CDK14: variants seen among roughly 807,000 people sequenced by gnomAD.
CDK14 encodes the protein cyclin-dependent kinase 14.
A neutral mutation model predicts 60.7 loss-of-function variants in CDK14; 34 were observed. That is an observed-to-expected ratio of 0.56 (90% CI 0.43 to 0.75). The LOEUF (loss-of-function observed/expected upper bound fraction) is 0.75, where lower values mean the gene tolerates loss of function less well. Ranked by LOEUF, CDK14 falls within the 30% of genes least tolerant of loss-of-function variation. CDK14 has a pLI of 0.00. For synonymous variants in CDK14, 197 were observed against 203.7 expected (o/e 0.97, Z 0.28); for missense variants, 482 against 564.1 (o/e 0.85, Z 1.47).
At chr7:91,175,100 G>A (rs1801680763) in intron 14 of CDK14, among the ~76,000 whole-genome samples, 1 of 147,944 alleles carries the variant, frequency 6.8e-6, no homozygotes, top group South Asian at 2.2e-4. Flanking sequence ...CAGACTAACA[G>A]CGGATCTCTC....
At chr7:91,126,804 C>CTACT (rs10641972) in intron 14 of CDK14, among the ~76,000 whole-genome samples, 103,907 of 151,488 alleles carry the variant, frequency 0.69, 36,778 homozygotes, top group Non-Finnish European at 0.79. Context: ...AGCCGCTTGC[C>CTACT]TACTCCCTCA....
chr7:91,096,285 T>C (rs780646443), intron 12 of CDK14, among the ~76,000 whole-genome samples: 7 of 152,260 alleles, frequency 4.6e-5, no homozygotes, highest in Admixed American at 1.3e-4. Flanking sequence ...GGGCTCTGGC[T>C]CCTTCTATCT....
intron 12 of CDK14, among the ~76,000 whole-genome samples, chr7:91,080,398 GGTA>G (rs1391870026): frequency 6.6e-6 from 1 of 152,076 alleles, no homozygotes; most frequent in Non-Finnish European, 1.5e-5. Flanking sequence ...TAAATTCTGC[GGTA>G]GTTTACTTTA....
intron 14 of CDK14, among the ~76,000 whole-genome samples, chr7:91,131,011 C>G (rs1800099987): frequency 6.6e-6 from 1 of 152,178 alleles, no homozygotes; most frequent in African/African-American, 2.4e-5. Flanking sequence ...AATCTGGGTG[C>G]ATTTGGGGTT....
intron 5 of CDK14, among the ~76,000 whole-genome samples, chr7:90,827,914 G>A (rs900438798): frequency 6.6e-6 from 1 of 152,070 alleles, no homozygotes; most frequent in African/African-American, 2.4e-5. Flanking sequence ...TTTCTCTTAA[G>A]CATTCTAGTA....
intron 5 of CDK14, among the ~76,000 whole-genome samples, chr7:90,806,314 G>T (rs1229068866): frequency 6.6e-6 from 1 of 151,902 alleles, no homozygotes; most frequent in Non-Finnish European, 1.5e-5. Context: ...CACCATTAAA[G>T]AAATGAAAAG....
intron 3 of CDK14, among the ~76,000 whole-genome samples, chr7:90,739,443 A>G (rs1218322182): frequency 6.6e-6 from 1 of 152,006 alleles, no homozygotes; most frequent in Non-Finnish European, 1.5e-5. Flanking sequence ...TAATTTCCTC[A>G]GTTCAGTTTT....
intron 5 of CDK14, among the ~76,000 whole-genome samples, chr7:90,839,773 A>AT (rs940144658): frequency 3.3e-5 from 5 of 152,028 alleles, no homozygotes; most frequent in East Asian, 1.9e-4. Context: ...GGTTTTATGC[A>AT]TTTTTTTCAT....
chr7:90,931,783 TG>T (rs368971200), intron 8 of CDK14, among the ~76,000 whole-genome samples: 119,498 of 150,672 alleles, frequency 0.79, 47,508 homozygotes, highest in East Asian at 0.95. Context: ...TTGGATTTTG[TG>T]TGTGTGTGTG....
At chr7:90,782,163 T>C (rs1236154617) in intron 4 of CDK14, among the ~76,000 whole-genome samples, 4 of 152,258 alleles carry the variant, frequency 2.6e-5, no homozygotes, top group South Asian at 2.1e-4. Context: ...CTAGGTATTT[T>C]ATTCTCTTTG....
At chr7:90,845,148 G>GT (rs1306918022) in intron 5 of CDK14, among the ~76,000 whole-genome samples, 1 of 152,002 alleles carries the variant, frequency 6.6e-6, no homozygotes, top group African/African-American at 2.4e-5. Context: ...TGTGTCTCCA[G>GT]TACCTAGCAC....
intron 14 of CDK14, among the ~76,000 whole-genome samples, chr7:91,165,963 T>G (rs1344151558): frequency 6.6e-6 from 1 of 152,234 alleles, no homozygotes; most frequent in African/African-American, 2.4e-5. Context: ...ACATGCATAC[T>G]TTTTAAGCAA....
chr7:90,736,906 G>A (rs1435152459), intron 3 of CDK14, among the ~76,000 whole-genome samples: 1 of 152,160 alleles, frequency 6.6e-6, no homozygotes, highest in East Asian at 1.9e-4. Flanking sequence ...GACCTCAGTG[G>A]CCATCATGCT....
At chr7:90,848,987 A>G (rs1434974354) in intron 5 of CDK14, among the ~76,000 whole-genome samples, 2 of 152,192 alleles carry the variant, frequency 1.3e-5, no homozygotes, top group African/African-American at 4.8e-5. Context: ...TTTGTGGGAC[A>G]CATAAAACCC....
chr7:90,972,621 TC>T (rs1309361426), intron 9 of CDK14, among the ~76,000 whole-genome samples: 3 of 152,230 alleles, frequency 2.0e-5, no homozygotes, highest in Non-Finnish European at 4.4e-5. Flanking sequence ...AAATAAAATT[TC>T]CTATTAGGTT....
intron 7 of CDK14, among the ~76,000 whole-genome samples, chr7:90,914,519 C>T (rs1027199613): frequency 6.6e-6 from 1 of 152,142 alleles, no homozygotes; most frequent in Non-Finnish European, 1.5e-5. Context: ...ATATGGTTGG[C>T]ACTTAATAAA....
chr7:91,189,600 T>G (rs1802295768), intron 14 of CDK14, among the ~76,000 whole-genome samples: 1 of 152,144 alleles, frequency 6.6e-6, no homozygotes, highest in Non-Finnish European at 1.5e-5. Flanking sequence ...CATATGAGAA[T>G]CCCAATTTTT....
Position 90,720,565 on chromosome 7 carries a change from A to G in CDK14, c.124-6002A>G, listed in dbSNP as rs1264510699. Among the ~76,000 whole-genome samples the G allele has an allele frequency of 2.6e-5, 4 of 152,320 alleles. No individual in the cohort carries two copies. In the East Asian group the frequency reaches 7.7e-4, roughly 29 times the overall value. On this transcript the variant is annotated intron_variant, in intron 2 of 14. Coordinates refer to ENST00000380050, the MANE Select transcript of CDK14 (RefSeq NM_001287135.2). ...GACCTAATTAAATTCCCTTAATGTC[A>G]TATACTAATTTAGTGTGACTGATTA... is the stretch of plus-strand genomic sequence containing the variant.
chr7:90,887,439 T>C (rs1791980775), intron 6 of CDK14, among the ~76,000 whole-genome samples: 1 of 152,222 alleles, frequency 6.6e-6, no homozygotes, highest in East Asian at 1.9e-4. Flanking sequence ...AGCAAACAGA[T>C]AGTTCATATA....
Sources: allele counts gnomAD v4.1 joint callset (sites outside exome capture counted in the v4.1 genomes callset), GRCh38; gene constraint gnomAD v4.1.1; transcripts MANE v1.5; gene names NCBI Gene and HGNC (gene_info 2026-07-23, HGNC 2026-07-21).